The following NALF1 variants were observed in gnomAD, a reference collection of about 807,000 sequenced individuals.
NALF1 encodes family with sequence similarity 155 member A.
A neutral mutation model predicts 48.4 loss-of-function variants in NALF1; 3 were observed. The ratio of observed to expected loss-of-function variants is 0.06; its 90% CI spans 0.03 to 0.16. The LOEUF (loss-of-function observed/expected upper bound fraction) is 0.16. NALF1 is among the 10% of genes least tolerant of loss of function. The pLI, the probability that NALF1 is intolerant of heterozygous loss-of-function variation, is 1.00. For missense variants in NALF1, 526 were observed against 571.5 expected, an observed-to-expected ratio of 0.92 and a Z score of 0.81; for synonymous variants, 262 against 245.7, an observed-to-expected ratio of 1.07 and a Z score of -0.62.
chr13:107,668,961 C>T (rs7991519), intron 1 of NALF1, among the ~76,000 whole-genome samples: 1,721 of 152,102 alleles, frequency 0.011, 32 homozygotes, highest in African/African-American at 0.039. Flanking sequence ...AAGATACCTT[C>T]GAAATCAGAA....
At chr13:107,530,997 C>G (rs1876611308) in intron 1 of NALF1, among the ~76,000 whole-genome samples, 1 of 142,864 alleles carries the variant, frequency 7.0e-6, no homozygotes, top group African/African-American at 2.6e-5. Context: ...AAAAAGAACT[C>G]TGCTGAACAT....
intron 1 of NALF1, among the ~76,000 whole-genome samples, chr13:107,382,514 C>T (rs1247334193): frequency 1.3e-5 from 2 of 152,178 alleles, no homozygotes; most frequent in Non-Finnish European, 2.9e-5. Flanking sequence ...TAACATTTTA[C>T]ATAACTGTAG....
At chr13:107,703,189 C>G (rs1881866117) in intron 1 of NALF1, among the ~76,000 whole-genome samples, 1 of 152,124 alleles carries the variant, frequency 6.6e-6, no homozygotes, top group African/African-American at 2.4e-5. Flanking sequence ...CATTTATTAT[C>G]TTCCTCCAAA....
At chr13:107,600,608 T>G (rs1878894878) in intron 1 of NALF1, among the ~76,000 whole-genome samples, 1 of 152,216 alleles carries the variant, frequency 6.6e-6, no homozygotes, top group East Asian at 1.9e-4. Context: ...TATCAGTTAC[T>G]TACAGTGGTC....
At chr13:107,810,333 A>T (rs185337874) in intron 1 of NALF1, among the ~76,000 whole-genome samples, 3 of 152,078 alleles carry the variant, frequency 2.0e-5, no homozygotes, top group Admixed American at 2.0e-4. Context: ...GTCACTAACA[A>T]TTTATCTCAG....
chr13:107,383,408 C>T (rs912621925), intron 1 of NALF1, among the ~76,000 whole-genome samples: 22 of 152,074 alleles, frequency 1.4e-4, no homozygotes, highest in African/African-American at 4.6e-4. Context: ...GTTCTCCTGA[C>T]CTGATTAGAA....
chr13:107,570,528 T>A (rs1165745714), intron 1 of NALF1, among the ~76,000 whole-genome samples: 2 of 151,358 alleles, frequency 1.3e-5, no homozygotes, highest in Non-Finnish European at 2.9e-5. Flanking sequence ...ATTCCTGAAA[T>A]AAATCCCACG....
intron 1 of NALF1, among the ~76,000 whole-genome samples, chr13:107,773,132 G>C (rs975948224): frequency 6.6e-6 from 1 of 152,084 alleles, no homozygotes; most frequent in Non-Finnish European, 1.5e-5. Context: ...TACTACTAAG[G>C]TAAGCAGTAT....
chr13:107,602,170 T>C (rs1448822663), intron 1 of NALF1, among the ~76,000 whole-genome samples: 1 of 152,150 alleles, frequency 6.6e-6, no homozygotes, highest in Non-Finnish European at 1.5e-5. Context: ...TGATCTTATG[T>C]AATAAATGAC....
At chr13:107,739,453 A>G (rs986906630) in intron 1 of NALF1, among the ~76,000 whole-genome samples, 2 of 149,252 alleles carry the variant, frequency 1.3e-5, no homozygotes, top group Non-Finnish European at 3.0e-5. Flanking sequence ...TATATTATAT[A>G]CATGTGTATA....
At chr13:107,328,651 C>T (rs1350227625) in intron 1 of NALF1, among the ~76,000 whole-genome samples, 1 of 152,164 alleles carries the variant, frequency 6.6e-6, no homozygotes, top group Non-Finnish European at 1.5e-5. Context: ...TACAATGCCT[C>T]AATCAATCCT....
At chr13:107,633,989 G>C in intron 1 of NALF1, among the ~76,000 whole-genome samples, 1 of 85,236 alleles carries the variant, frequency 1.2e-5, no homozygotes, top group Non-Finnish European at 2.8e-5. Flanking sequence ...TTACCAAATT[G>C]ATCTATTTGC....
chr13:107,342,656 T>A lies in NALF1; in HGVS notation c.916-131901A>T, dbSNP rs553396424. On this transcript the variant is annotated intron_variant, in intron 1 of 2. Coordinates refer to ENST00000375915, the MANE Select transcript of NALF1 (RefSeq NM_001080396.3). ...AAACGAGTAGAGTTTTTGTGTACAA[T>A]TGAAGTTAAGTTGATAATCGCTTAA... is the stretch of plus-strand genomic sequence containing the variant. 7.2e-4 allele frequency among the ~76,000 whole-genome samples: 110 copies of A among 152,244 alleles called. 1 individual carries two copies. Among genetic ancestry groups the A allele is most frequent in the African/African-American group, 2.5e-3 (103 of 41,552 alleles).
At chr13:107,288,529 T>TA (rs1179056200) in intron 1 of NALF1, among the ~76,000 whole-genome samples, 2 of 147,694 alleles carry the variant, frequency 1.4e-5, no homozygotes, top group Admixed American at 1.4e-4. Flanking sequence ...CTGAAAACTT[T>TA]TTTTTTTTTT....
intron 1 of NALF1, among the ~76,000 whole-genome samples, chr13:107,797,749 A>C (rs1165011518): frequency 6.6e-6 from 1 of 152,088 alleles, no homozygotes; most frequent in Non-Finnish European, 1.5e-5. Context: ...TTTATTTTCA[A>C]ATATCTAATT....
At chr13:107,739,784 A>G (rs547517835) in intron 1 of NALF1, among the ~76,000 whole-genome samples, 1 of 152,186 alleles carries the variant, frequency 6.6e-6, no homozygotes, top group Non-Finnish European at 1.5e-5. Flanking sequence ...CAGTGCTCAC[A>G]TTACCGCCTG....
intron 1 of NALF1, among the ~76,000 whole-genome samples, chr13:107,699,658 G>A (rs1342826685): frequency 6.6e-6 from 1 of 152,018 alleles, no homozygotes; most frequent in Non-Finnish European, 1.5e-5. Flanking sequence ...AGTACTGGAA[G>A]TACTAGCAAA....
At chr13:107,683,830 C>A (rs1000046639) in intron 1 of NALF1, among the ~76,000 whole-genome samples, 2 of 111,398 alleles carry the variant, frequency 1.8e-5, no homozygotes, top group Non-Finnish European at 3.9e-5. Flanking sequence ...TGTCGCTGGA[C>A]TCCCAGTGGA....
chr13:107,428,923 T>C (rs1884328066), intron 1 of NALF1, among the ~76,000 whole-genome samples: 1 of 152,236 alleles, frequency 6.6e-6, no homozygotes, highest in South Asian at 2.1e-4. Flanking sequence ...AGGTCAATTC[T>C]TCAGTCTTGT....
Sources: allele counts gnomAD v4.1 joint callset (sites outside exome capture counted in the v4.1 genomes callset), GRCh38; gene constraint gnomAD v4.1.1; transcripts MANE v1.5; gene names NCBI Gene and HGNC (gene_info 2026-07-23, HGNC 2026-07-21).